Variants in TMEM117 observed in about 807,000 individuals in gnomAD.
The protein encoded by TMEM117 is transmembrane protein 117.
Under a neutral mutation model 52.4 loss-of-function variants are expected in TMEM117, and 27 were observed. The observed-to-expected ratio is 0.51, with a 90% CI of 0.38 to 0.71. The LOEUF is 0.71. Among genes scored for constraint, TMEM117 ranks in the 30% least tolerant of loss-of-function variants. TMEM117 has a pLI of 0.00. For synonymous variants in TMEM117, 215 were observed against 206.3 expected (o/e 1.04, Z -0.36); for missense variants, 556 against 630.5 (o/e 0.88, Z 1.26).
intron 3 of TMEM117, among the ~76,000 whole-genome samples, chr12:44,119,641 C>T (rs183795347): frequency 3.9e-5 from 6 of 152,296 alleles, no homozygotes; most frequent in Admixed American, 1.3e-4. Context: ...CCCAGATCGT[C>T]TTCCTGACTA....
intron 4 of TMEM117, among the ~76,000 whole-genome samples, chr12:44,146,251 G>C (rs901780274): frequency 1.3e-5 from 2 of 152,146 alleles, no homozygotes; most frequent in African/African-American, 4.8e-5. Flanking sequence ...AGGTCTGGCT[G>C]ACCTTCATAG....
At chr12:43,872,081 T>A (rs1295618288) in intron 2 of TMEM117, among the ~76,000 whole-genome samples, 1 of 152,134 alleles carries the variant, frequency 6.6e-6, no homozygotes, top group Non-Finnish European at 1.5e-5. Flanking sequence ...ACTTTTTAAT[T>A]TGTAGAGATG....
chr12:44,126,444 A>C (rs1948326319), intron 3 of TMEM117, among the ~76,000 whole-genome samples: 1 of 152,194 alleles, frequency 6.6e-6, no homozygotes, highest in African/African-American at 2.4e-5. Flanking sequence ...TTTAACAAAT[A>C]TTCTCTAGAC....
chr12:44,324,616 A>G (rs1269313163), intron 6 of TMEM117, among the ~76,000 whole-genome samples: 2 of 152,162 alleles, frequency 1.3e-5, no homozygotes, highest in Admixed American at 6.6e-5. Flanking sequence ...TGACCCTGAT[A>G]CAACCTTATG....
intron 3 of TMEM117, among the ~76,000 whole-genome samples, chr12:44,025,197 C>T (rs1309744028): frequency 6.6e-6 from 1 of 152,070 alleles, no homozygotes. Context: ...ATTAAAGACT[C>T]CATCTTGTAT....
chr12:43,938,165 G>A (rs1944983857), intron 2 of TMEM117, among the ~76,000 whole-genome samples: 1 of 151,526 alleles, frequency 6.6e-6, no homozygotes, highest in African/African-American at 2.4e-5. Flanking sequence ...ATGCAGGACA[G>A]CATATCTAGT....
chr12:43,906,938 C>G (rs1018824093), intron 2 of TMEM117, among the ~76,000 whole-genome samples: 93 of 152,334 alleles, frequency 6.1e-4, no homozygotes, highest in Non-Finnish European at 1.1e-3. Flanking sequence ...TGCCATTGCC[C>G]AGGCTTGCTT....
chr12:44,138,864 T>A (rs1565844593), intron 3 of TMEM117, among the ~76,000 whole-genome samples: 1 of 152,108 alleles, frequency 6.6e-6, no homozygotes. Context: ...GTGACTGGAG[T>A]CATTAATCTA....
At chr12:43,966,521 A>G (rs1191606212) in intron 3 of TMEM117, among the ~76,000 whole-genome samples, 2 of 152,216 alleles carry the variant, frequency 1.3e-5, no homozygotes, top group Non-Finnish European at 2.9e-5. Context: ...AGGAGAGAAC[A>G]GAGAGATAAG....
At chr12:44,114,312 C>T (rs945927567) in intron 3 of TMEM117, among the ~76,000 whole-genome samples, 6 of 152,064 alleles carry the variant, frequency 3.9e-5, no homozygotes, top group Non-Finnish European at 8.8e-5. Flanking sequence ...CCATCTTGTG[C>T]CTGTTCATAA....
intron 3 of TMEM117, among the ~76,000 whole-genome samples, chr12:43,984,362 C>T (rs1041147643): frequency 3.0e-5 from 3 of 101,646 alleles, no homozygotes; most frequent in Non-Finnish European, 6.1e-5. Flanking sequence ...AGTGAGACTC[C>T]GTAACAACAA....
In TMEM117 at chr12:43,893,001, G is replaced by A. The variant is rs564114087; in HGVS notation, c.277+48073G>A. 2.0e-5 allele frequency among the ~76,000 whole-genome samples: 3 copies of A among 152,332 alleles called. No homozygotes were observed. The South Asian group carries it at 6.2e-4, about 32-fold the overall frequency. On this transcript the variant is annotated intron_variant, in intron 2 of 7. Transcript: ENST00000266534. ...AGTGAAAAGCCCAGAGGTGAAATGAGCTGGATATGATGTTCCAGAAACAGC... is the reference window on the plus strand; with the variant it reads ...AGTGAAAAGCCCAGAGGTGAAATGAACTGGATATGATGTTCCAGAAACAGC...
At chr12:43,966,057 C>T (rs1395064115) in intron 3 of TMEM117, among the ~76,000 whole-genome samples, 1 of 152,150 alleles carries the variant, frequency 6.6e-6, no homozygotes, top group East Asian at 1.9e-4. Context: ...CTAGCTGCAC[C>T]CATGTTGCTG....
intron 3 of TMEM117, among the ~76,000 whole-genome samples, chr12:44,138,727 C>G (rs189124369): frequency 6.6e-6 from 1 of 152,268 alleles, no homozygotes; most frequent in Admixed American, 6.5e-5. Context: ...CCCATAGCCT[C>G]AAACCATAGG....
chr12:43,856,291 T>G (rs114198854), intron 2 of TMEM117, among the ~76,000 whole-genome samples: 2,070 of 152,344 alleles, frequency 0.014, 34 homozygotes, highest in African/African-American at 0.048. Context: ...TGTCACCATC[T>G]TCATTCTCAA....
intron 3 of TMEM117, among the ~76,000 whole-genome samples, chr12:44,015,950 T>A (rs1031658912): frequency 1.3e-5 from 2 of 152,190 alleles, no homozygotes; most frequent in African/African-American, 4.8e-5. Context: ...CTGGCTTAAT[T>A]ACAAAAACCC....
intron 5 of TMEM117, among the ~76,000 whole-genome samples, chr12:44,217,978 C>T (rs960123742): frequency 6.6e-6 from 1 of 152,094 alleles, no homozygotes; most frequent in Non-Finnish European, 1.5e-5. Flanking sequence ...AATCCCAGCA[C>T]TTTGGGAGGA....
intron 2 of TMEM117, among the ~76,000 whole-genome samples, chr12:43,875,363 T>C (rs1387654880): frequency 1.3e-5 from 2 of 152,174 alleles, no homozygotes; most frequent in Non-Finnish European, 2.9e-5. Context: ...AATGTCACTA[T>C]CAACAGTAGT....
intron 3 of TMEM117, among the ~76,000 whole-genome samples, chr12:43,955,258 C>T (rs1945288746): frequency 6.6e-6 from 1 of 152,162 alleles, no homozygotes; most frequent in Non-Finnish European, 1.5e-5. Flanking sequence ...TGTCTCACTA[C>T]TCCTATTCAA....
Sources: gnomAD v4.1 joint callset for allele counts (sites outside exome capture counted in the v4.1 genomes callset) on GRCh38, gnomAD v4.1.1 for gene constraint, MANE v1.5 for transcripts, NCBI Gene and HGNC (gene_info 2026-07-23, HGNC 2026-07-21) for gene names.